NRXN3: variants seen among roughly 807,000 people sequenced by gnomAD.
The protein encoded by NRXN3 is neurexin III.
Under a neutral mutation model 137.6 loss-of-function variants are expected in NRXN3, and 32 were observed. The ratio of observed to expected loss-of-function variants is 0.23; its 90% CI spans 0.18 to 0.31. The LOEUF is 0.31. Among genes scored for constraint, NRXN3 ranks in the 10% least tolerant of loss-of-function variants. The pLI, the probability that NRXN3 is intolerant of heterozygous loss-of-function variation, is 1.00. For missense variants in NRXN3, 1,574 were observed against 2,062.5 expected (o/e 0.76, Z 4.59); for synonymous variants, 798 against 784.5 (o/e 1.02, Z -0.29).
At chr14:79,025,384 C>A (rs1368246146) in intron 15 of NRXN3, among the ~76,000 whole-genome samples, 1 of 152,134 alleles carries the variant, frequency 6.6e-6, no homozygotes, top group Non-Finnish European at 1.5e-5. Context: ...GGCTTCCCAG[C>A]CCTGTATAAT....
intron 10 of NRXN3, among the ~76,000 whole-genome samples, chr14:78,890,599 G>A (rs1292385680): frequency 6.6e-6 from 1 of 151,530 alleles, no homozygotes; most frequent in Non-Finnish European, 1.5e-5. Context: ...CATTTCTATA[G>A]CCTCTTCTTT....
chr14:79,307,905 G>T (rs2086388002), intron 15 of NRXN3, among the ~76,000 whole-genome samples: 1 of 151,958 alleles, frequency 6.6e-6, no homozygotes, highest in Admixed American at 6.6e-5. Flanking sequence ...TTAAACAACA[G>T]AAATTTATTA....
intron 1 of NRXN3, among the ~76,000 whole-genome samples, chr14:78,189,885 C>CT (rs1481853245): frequency 5.9e-5 from 9 of 152,314 alleles, no homozygotes; most frequent in African/African-American, 1.7e-4. Context: ...TTGTGGAAGT[C>CT]TCCCCCAACT....
chr14:79,836,625 C>T (rs528878721), intron 20 of NRXN3, among the ~76,000 whole-genome samples: 1 of 152,142 alleles, frequency 6.6e-6, no homozygotes, highest in Non-Finnish European at 1.5e-5. Context: ...ATAATTGTTG[C>T]TGTGCCATCT....
intron 4 of NRXN3, among the ~76,000 whole-genome samples, chr14:78,631,269 A>G (rs931268810): frequency 6.6e-6 from 1 of 152,142 alleles, no homozygotes; most frequent in Non-Finnish European, 1.5e-5. Flanking sequence ...TCATTTTCTT[A>G]ATTCCTGGAC....
chr14:79,045,805 G>A (rs1568100812), intron 15 of NRXN3, among the ~76,000 whole-genome samples: 1 of 152,170 alleles, frequency 6.6e-6, no homozygotes, highest in Non-Finnish European at 1.5e-5. Context: ...GCCAGTGATT[G>A]ATAATGCCTC....
intron 16 of NRXN3, among the ~76,000 whole-genome samples, chr14:79,561,734 G>A (rs1221882399): frequency 2.6e-5 from 4 of 152,002 alleles, no homozygotes; most frequent in Non-Finnish European, 5.9e-5. Flanking sequence ...ATTCACTGGA[G>A]AATGAGGAAC....
At chr14:79,553,200 T>C (rs2097393418) in intron 16 of NRXN3, among the ~76,000 whole-genome samples, 1 of 151,928 alleles carries the variant, frequency 6.6e-6, no homozygotes, top group South Asian at 2.1e-4. Context: ...GTCATGAAGA[T>C]TGAGTATGAT....
chr14:78,562,357 A>T (rs2152274596), intron 4 of NRXN3, among the ~76,000 whole-genome samples: 1 of 144,204 alleles, frequency 6.9e-6, no homozygotes, highest in East Asian at 2.1e-4. Context: ...AGATCGCGCC[A>T]CTGCACTCCA....
chr14:78,629,387 C>G (rs2097499157), intron 4 of NRXN3, among the ~76,000 whole-genome samples: 2 of 152,144 alleles, frequency 1.3e-5, no homozygotes, highest in African/African-American at 4.8e-5. Context: ...GAGGAATGCT[C>G]AAAAGGCCCC....
chr14:79,273,200 A>AAAAAG (rs1387362455), intron 15 of NRXN3, among the ~76,000 whole-genome samples: 1 of 127,660 alleles, frequency 7.8e-6, no homozygotes, highest in Non-Finnish European at 1.7e-5. Flanking sequence ...AAAAAAAAAA[A>AAAAAG]TGGGTGGGAG....
intron 15 of NRXN3, among the ~76,000 whole-genome samples, chr14:79,157,078 T>A (rs1157761971): frequency 3.3e-5 from 5 of 151,848 alleles, no homozygotes; most frequent in Non-Finnish European, 5.9e-5. Flanking sequence ...TTAATTGGTA[T>A]CTGCCATTGT....
chr14:78,399,506 G>A (rs11159355), intron 4 of NRXN3, among the ~76,000 whole-genome samples: 57,478 of 152,010 alleles, frequency 0.38, 11,783 homozygotes, highest in Admixed American at 0.48. Flanking sequence ...TGTCCAGGGT[G>A]CTGGACTCTC....
At chr14:78,714,177 A>G (rs1021371596) in intron 7 of NRXN3, among the ~76,000 whole-genome samples, 2 of 152,224 alleles carry the variant, frequency 1.3e-5, no homozygotes, top group Non-Finnish European at 2.9e-5. Flanking sequence ...AGAGAGTACC[A>G]GTGCATGGAG....
intron 15 of NRXN3, among the ~76,000 whole-genome samples, chr14:79,119,483 T>C (rs965932141): frequency 1.3e-5 from 2 of 152,254 alleles, no homozygotes; most frequent in Non-Finnish European, 2.9e-5. Flanking sequence ...GGTGAGATTA[T>C]ATGATCCTTG....
chr14:78,978,962 G>A lies in NRXN3; in HGVS notation c.3143-9060G>A, dbSNP rs1024401862. Reference sequence around the variant, plus strand: ...TGTAAGTTCTGCTCTGATTCGAAAAGCCCAAGAACCAGGAGCACAAGTGTC... The same window carrying A: ...TGTAAGTTCTGCTCTGATTCGAAAAACCCAAGAACCAGGAGCACAAGTGTC... On this transcript the variant is annotated intron_variant, in intron 14 of 20. Transcript: ENST00000335750. 7.2e-5 allele frequency among the ~76,000 whole-genome samples: 11 copies of A among 151,904 alleles called. No individual in the cohort carries two copies. In the East Asian group the frequency reaches 1.9e-3, roughly 27 times the overall value.
chr14:78,899,163 T>C (rs2099187552), intron 10 of NRXN3, among the ~76,000 whole-genome samples: 1 of 151,976 alleles, frequency 6.6e-6, no homozygotes, highest in African/African-American at 2.4e-5. Flanking sequence ...TGTATTAGTT[T>C]ATCTAATCCT....
At chr14:78,978,886 G>T (rs2099479999) in intron 14 of NRXN3, among the ~76,000 whole-genome samples, 1 of 151,668 alleles carries the variant, frequency 6.6e-6, no homozygotes, top group African/African-American at 2.4e-5. Flanking sequence ...AAAACAGTTG[G>T]ATTCTAAAGC....
chr14:79,805,095 C>T lies in NRXN3; in HGVS notation c.4015-17C>T, dbSNP rs762925045. On this transcript the variant is annotated splice_polypyrimidine_tract_variant and intron_variant, in intron 19 of 20. Transcript: ENST00000335750. ...CTCTCTTCCCCTACCCCATTATTTT[C>T]TCTTTGACATAAACAGCCAACATCA... is the stretch of plus-strand genomic sequence containing the variant. 6.3e-7 allele frequency: 1 copy of T among 1,588,708 alleles called. No individual in the cohort carries two copies. Among genetic ancestry groups the T allele is most frequent in the South Asian group, 1.1e-5 (1 of 89,480 alleles).
Sources: gnomAD v4.1 joint callset for allele counts (sites outside exome capture counted in the v4.1 genomes callset) on GRCh38, gnomAD v4.1.1 for gene constraint, MANE v1.5 for transcripts, NCBI Gene and HGNC (gene_info 2026-07-23, HGNC 2026-07-21) for gene names.